Variants in USH2A observed in about 807,000 individuals in gnomAD.
The protein encoded by USH2A is usherin, also known as Usher syndrome 2A (autosomal recessive, mild).
In USH2A, 443 loss-of-function variants were observed where a neutral mutation model predicts 538.9. That is an observed-to-expected ratio of 0.82 (90% CI 0.76 to 0.89). USH2A has a LOEUF of 0.89. Among genes scored for constraint, USH2A ranks in the 40% least tolerant of loss-of-function variants. The pLI is 0.00. For synonymous variants in USH2A, 2,413 were observed against 2,273.5 expected, an observed-to-expected ratio of 1.06 and a Z score of -1.75; for missense variants, 6,633 against 6,324.8, an observed-to-expected ratio of 1.05 and a Z score of -1.65.
At chr1:216,120,454 A>C (rs2033110051) in intron 21 of USH2A, among the ~76,000 whole-genome samples, 1 of 151,718 alleles carries the variant, frequency 6.6e-6, no homozygotes, top group Non-Finnish European at 1.5e-5. Flanking sequence ...ATCTCAGCTC[A>C]CTGCAAGCTC....
intron 11 of USH2A, among the ~76,000 whole-genome samples, chr1:216,274,675 T>C (rs2036637333): frequency 6.6e-6 from 1 of 152,122 alleles, no homozygotes; most frequent in Admixed American, 6.6e-5. Flanking sequence ...ATCATAATAC[T>C]TGTTTCCATT....
chr1:216,286,067 T>A (rs1404955984), intron 11 of USH2A, among the ~76,000 whole-genome samples: 1 of 152,154 alleles, frequency 6.6e-6, no homozygotes, highest in African/African-American at 2.4e-5. Context: ...GTTAACACTG[T>A]GGGGGACTCT....
intron 21 of USH2A, among the ~76,000 whole-genome samples, chr1:216,163,405 A>G (rs2034102589): frequency 6.6e-6 from 1 of 152,022 alleles, no homozygotes; most frequent in Non-Finnish European, 1.5e-5. Context: ...ATGTGTGTAT[A>G]TGCCTATGTG....
chr1:215,960,027 T>C (rs1454140235), intron 37 of USH2A, among the ~76,000 whole-genome samples: 2 of 152,144 alleles, frequency 1.3e-5, no homozygotes. Flanking sequence ...AAGTACAGGA[T>C]CAGTGTGAAG....
At chr1:215,643,803 T>C (rs530075375) in intron 67 of USH2A, among the ~76,000 whole-genome samples, 40 of 152,294 alleles carry the variant, frequency 2.6e-4, no homozygotes, top group Admixed American at 5.9e-4. Flanking sequence ...GCGCTGGGAT[T>C]ACAAGTGTGA....
chr1:215,905,585 C>T (rs1025471386), intron 38 of USH2A, among the ~76,000 whole-genome samples: 2 of 152,158 alleles, frequency 1.3e-5, no homozygotes, highest in East Asian at 1.9e-4. Flanking sequence ...CTACGGGGGA[C>T]TCGGAAGTTA....
chr1:215,801,834 C>T (rs1002622416), intron 49 of USH2A, among the ~76,000 whole-genome samples: 2 of 152,012 alleles, frequency 1.3e-5, no homozygotes, highest in African/African-American at 4.8e-5. Context: ...TGAAAAAGAA[C>T]AAAGTTGGAG....
chr1:216,422,636 A>G (rs149164856), intron 1 of USH2A, 96 bp from the exon 2 acceptor site: 9 of 353,610 alleles, frequency 2.5e-5, no homozygotes, highest in South Asian at 2.2e-4. Flanking sequence ...CCTAGAAGCA[A>G]CACTACTGAA....
intron 4 of USH2A, among the ~76,000 whole-genome samples, chr1:216,335,261 C>A (rs889015845): frequency 5.9e-5 from 9 of 151,424 alleles, no homozygotes; most frequent in Non-Finnish European, 8.9e-5. Context: ...AGTGAACATG[C>A]AACATATCAC....
At chr1:215,800,952 C>A (rs1662311985) in intron 49 of USH2A, among the ~76,000 whole-genome samples, 1 of 151,994 alleles carries the variant, frequency 6.6e-6, no homozygotes, top group African/African-American at 2.4e-5. Flanking sequence ...GGGATATATC[C>A]CTGGAATACC....
chr1:215,833,140 G>A (rs1663371756), intron 47 of USH2A, among the ~76,000 whole-genome samples: 1 of 151,892 alleles, frequency 6.6e-6, no homozygotes, highest in Admixed American at 6.6e-5. Flanking sequence ...TCTACCAATT[G>A]ATCCACAAAT....
At chr1:216,134,158 C>T (rs1053128487) in intron 21 of USH2A, among the ~76,000 whole-genome samples, 1 of 151,912 alleles carries the variant, frequency 6.6e-6, no homozygotes, top group East Asian at 1.9e-4. Context: ...AATTGCAATA[C>T]CTAAAATATA....
Position 215,628,889 on chromosome 1 carries a change from G to C in USH2A, c.15444C>G (p.Leu5148=). The stretch of plus-strand genomic sequence containing the variant: ...AGACTTTCTTGTCTTGAATGTCCAT[G>C]AGCTGGCTGACGCTGCGGTGAAGAG... ...QGSLHRSVSQ[L]MDIQDKKVLM... Residue 5148 remains leucine, a synonymous_variant, in exon 71 of 72, where the codon CTC becomes CTG. Transcript: ENST00000307340. 2 of 1,614,142 alleles carry C rather than the reference G, an allele frequency of 1.2e-6. No individual in the cohort carries two copies. The highest frequency in any genetic ancestry group is 1.7e-5 in the Admixed American group (1 of 60,026).
In USH2A at chr1:215,698,394, A is replaced by G. The variant is rs535140696; in HGVS notation, c.12067-18018T>C. Among the ~76,000 whole-genome samples the G allele has an allele frequency of 1.7e-4, 26 of 152,260 alleles. No individual in the cohort carries two copies. The South Asian group carries it at 5.2e-3, about 30-fold the overall frequency. ...TCTGGGTCTAGATCCTTGAGGAATC[A>G]CCACACTGTCTTCCACAATGGTTAA... On this transcript the variant is annotated intron_variant, in intron 61 of 71. Coordinates refer to ENST00000307340, the MANE Select transcript of USH2A (RefSeq NM_206933.4).
chr1:215,900,007 A>G, intron 40 of USH2A, 68 bp downstream of exon 40: 1 of 1,610,194 alleles, frequency 6.2e-7, no homozygotes, highest in Non-Finnish European at 8.5e-7. Flanking sequence ...TTGCTTTGGA[A>G]AAAATTGAAG....
chr1:216,161,754 T>A lies in USH2A; in HGVS notation c.4627+13498A>T, dbSNP rs373693822. ...TTAAGAAAAATATTTTATTTTATCA[T>A]TTTTGATGGATATGTTTCCTGGGTA... On this transcript the variant is annotated intron_variant, in intron 21 of 71. Transcript: ENST00000307340. Among the ~76,000 whole-genome samples, 20 of 152,112 alleles carry A rather than the reference T, an allele frequency of 1.3e-4. No individual in the cohort carries two copies. In the East Asian group the frequency reaches 3.8e-3, roughly 29 times the overall value.
intron 18 of USH2A, among the ~76,000 whole-genome samples, chr1:216,197,307 T>C (rs2034872816): frequency 6.6e-6 from 1 of 152,190 alleles, no homozygotes; most frequent in Non-Finnish European, 1.5e-5. Flanking sequence ...TTTACAGGGA[T>C]TTTAAATGTG....
chr1:215,922,813 A>C (rs551530923), intron 38 of USH2A, among the ~76,000 whole-genome samples: 1 of 152,196 alleles, frequency 6.6e-6, no homozygotes, highest in South Asian at 2.1e-4. Flanking sequence ...TTTAGAGATA[A>C]GAGACCAACA....
chr1:216,295,932 T>C (rs758299933), intron 9 of USH2A, among the ~76,000 whole-genome samples: 1 of 152,052 alleles, frequency 6.6e-6, no homozygotes, highest in Non-Finnish European at 1.5e-5. Context: ...ATAATCATCA[T>C]TGGAACATAC....
Sources: allele counts gnomAD v4.1 joint callset (sites outside exome capture counted in the v4.1 genomes callset), GRCh38; gene constraint gnomAD v4.1.1; transcripts MANE v1.5; gene names NCBI Gene and HGNC (gene_info 2026-07-23, HGNC 2026-07-21).